Variants in LRRC43 observed in about 807,000 individuals in gnomAD.
LRRC43 encodes the protein leucine-rich repeat-containing protein 43.
In LRRC43, 62 loss-of-function variants were observed where a neutral mutation model predicts 64.3. The observed-to-expected ratio is 0.96, with a 90% confidence interval of 0.79 to 1.19. The LOEUF is 1.19. LRRC43 is among the 50% of genes most tolerant of loss of function. The probability of loss-of-function intolerance (pLI) is 0.00; values close to 1 mark genes in which losing one functional copy is unlikely to be tolerated. For missense variants in LRRC43, 868 were observed against 845.0 expected (o/e 1.03, Z -0.34); for synonymous variants, 422 against 382.3 (o/e 1.10, Z -1.21).
upstream of LRRC43, chr12:122,167,720 T>A (rs1953452534): frequency 1.3e-5 from 2 of 152,194 alleles, no homozygotes; most frequent in South Asian, 4.2e-4. Flanking sequence ...GTAATGGAGA[T>A]ATTCTGTCTG....
rs1221240248 is a variant in LRRC43, at chr12:122,190,148, G to A, written c.681G>A (p.Leu227=). 1 of 1,614,044 alleles carries A rather than the reference G, an allele frequency of 6.2e-7. No individual in the cohort carries two copies. Among genetic ancestry groups the A allele is most frequent in the South Asian group, 1.1e-5 (1 of 91,070 alleles). ...CTTCCAGGCCCAACCTCGTCTCCCT[G>A]GACCTGGGCTTCAACGACCTGACAG... ...TANHWPNLVS[L]DLGFNDLTDL... The change falls in exon 5 of 12, where the codon CTG becomes CTA. Residue 227 remains leucine, a synonymous_variant. Transcript: ENST00000339777.
At chr12:122,189,538 C>T (rs1276058941) in intron 4 of LRRC43, 4 of 455,890 alleles carry the variant, frequency 8.8e-6, no homozygotes, top group Admixed American at 4.7e-5. Context: ...CCTGCCCCTG[C>T]CCTGTGTCTT....
At chr12:122,188,423 AT>A (rs1433088850) in intron 4 of LRRC43, among the ~76,000 whole-genome samples, 5 of 149,686 alleles carry the variant, frequency 3.3e-5, no homozygotes, top group African/African-American at 9.8e-5. Flanking sequence ...TTTTATTTTA[AT>A]TTTTTTATTT....
chr12:122,177,844 A>G (rs2136022100), intron 1 of LRRC43, among the ~76,000 whole-genome samples: 1 of 147,930 alleles, frequency 6.8e-6, no homozygotes, highest in South Asian at 2.1e-4. Flanking sequence ...TTATTTATTT[A>G]TTTATTATTT....
chr12:122,192,258 TC>T (rs1376652906), intron 6 of LRRC43, among the ~76,000 whole-genome samples: 1 of 152,198 alleles, frequency 6.6e-6, no homozygotes, highest in Non-Finnish European at 1.5e-5. Context: ...TGCCTCAGCC[TC>T]CTGAGTAGCT....
upstream of LRRC43, among the ~76,000 whole-genome samples, chr12:122,178,582 CTTTTTTTTTT>C (rs57204293): frequency 2.0e-4 from 12 of 60,732 alleles, 1 homozygote; most frequent in Admixed American, 7.2e-4. Flanking sequence ...AGGTGGCTTT[CTTTTTTTTTT>C]TTTTTTTTTT....
At chr12:122,193,102 G>C (rs1397028941) in intron 7 of LRRC43, 98 bp downstream of exon 7, 16 of 1,322,658 alleles carry the variant, frequency 1.2e-5, no homozygotes, top group African/African-American at 1.5e-5. Flanking sequence ...TGAGGCTGGC[G>C]GGGCGCGGTG....
intron 11 of LRRC43, among the ~76,000 whole-genome samples, chr12:122,202,920 C>G (rs1953859587): frequency 6.6e-6 from 1 of 152,022 alleles, no homozygotes; most frequent in Admixed American, 6.6e-5. Context: ...GGTGAAACCC[C>G]GTCTCTACTA....
chr12:122,183,229 G>C lies in LRRC43; in HGVS notation c.85G>C (p.Ala29Pro). The C allele has an allele frequency of 1.9e-6, 3 of 1,567,324 alleles. No individual in the cohort carries two copies. Among genetic ancestry groups the C allele is most frequent in the Non-Finnish European group, 2.6e-6 (3 of 1,166,230 alleles). Residue 29 changes from alanine to proline, a missense_variant, in exon 1 of 12, where the codon GCG becomes CCG. Coordinates refer to ENST00000339777, the MANE Select transcript of LRRC43 (RefSeq NM_001098519.2). ...TQRPGTGTVS[A>P]AVREHLRKLC... ...GCGGCCCGGGACCGGGACCGTGAGC[G>C]CGGCCGTGCGCGAGCACTTGCGGAA...
chr12:122,168,038 C>T (rs1434147222), intron 1 of LRRC43, among the ~76,000 whole-genome samples: 1 of 149,986 alleles, frequency 6.7e-6, no homozygotes, highest in Non-Finnish European at 1.5e-5. Flanking sequence ...CTGGTCTCAA[C>T]TCCTGACCTC....
In LRRC43 at chr12:122,184,666, A is replaced by T; in HGVS notation, c.298A>T (p.Asn100Tyr). The T allele has an allele frequency of 6.2e-7, 1 of 1,613,998 alleles. No individual in the cohort carries two copies. The highest frequency in any genetic ancestry group is 8.5e-7 in the Non-Finnish European group (1 of 1,179,890). The change falls in exon 2 of 12, where the codon AAC becomes TAC. Residue 100 changes from asparagine (N) to tyrosine (Y), a missense_variant. Transcript: ENST00000339777. This position sits in a 1 kb window ranked among gnomAD's most constrained non-coding sequence, Gnocchi z 4.0. Reference sequence around the variant, plus strand: ...CCACTCCCCCTGGGCTCTGCTGAACAACTCGAATGCAGAAGACAGTTTCCT... The same window carrying T: ...CCACTCCCCCTGGGCTCTGCTGAACTACTCGAATGCAGAAGACAGTTTCCT... The part of the protein sequence containing the change: ...SRHSPWALLN[N>Y]SNAEDSFLRE...
At chr12:122,187,538 T>G in intron 3 of LRRC43, 163 bp from the exon 4 acceptor site, 1 of 575,968 alleles carries the variant, frequency 1.7e-6, no homozygotes, top group Non-Finnish European at 3.0e-6. Context: ...GCAGGAATCT[T>G]TTCTTCCTGG....
rs1016253292 is a variant in LRRC43 at position 122,193,006 on chromosome 12, T to C, written c.1349+2T>C. 6.2e-7 allele frequency: 1 copy of C among 1,612,424 alleles called. No homozygotes were observed. The highest frequency in any genetic ancestry group is 8.5e-7 in the Non-Finnish European group (1 of 1,179,496). The stretch of plus-strand genomic sequence containing the variant: ...TCCCCGGCTCTGCCCGTCCCCAGGG[T>C]AAGGATGGAAATCTGAACCAGGGCA... On this transcript the variant is annotated splice_donor_variant, in intron 7 of 11. Transcript: ENST00000339777. LOFTEE classifies it high-confidence loss of function.
chr12:122,187,923 T>C, intron 4 of LRRC43, 83 bp downstream of exon 4: 1 of 1,421,596 alleles, frequency 7.0e-7, no homozygotes, highest in Non-Finnish European at 9.7e-7. Flanking sequence ...GCTTGAGAAC[T>C]CAGCTTTGGT....
intron 4 of LRRC43, among the ~76,000 whole-genome samples, chr12:122,188,232 G>T (rs1440728742): frequency 6.6e-6 from 1 of 150,774 alleles, no homozygotes; most frequent in Non-Finnish European, 1.5e-5. Flanking sequence ...TCAGCCTCCC[G>T]AGTAGCTGGG....
intron 1 of LRRC43, chr12:122,172,703 G>A (rs1953497730): frequency 6.2e-7 from 1 of 1,613,912 alleles, no homozygotes; most frequent in Non-Finnish European, 8.5e-7. Flanking sequence ...ACGGCAGCGT[G>A]TAATTCTGGG....
At chr12:122,177,412 T>A (rs760221141) in intron 1 of LRRC43, among the ~76,000 whole-genome samples, 3 of 151,836 alleles carry the variant, frequency 2.0e-5, no homozygotes, top group Non-Finnish European at 4.4e-5. Flanking sequence ...GCTCAGTGAG[T>A]TCCTGAGCAA....
At chr12:122,186,367 CCCCA>C (rs1424897665) in intron 3 of LRRC43, 67 bp downstream of exon 3, 27 of 1,016,698 alleles carry the variant, frequency 2.7e-5, no homozygotes, top group Non-Finnish European at 4.1e-5. Context: ...CCTTACCCTG[CCCCA>C]CATAGTGTGG....
chr12:122,189,777 G>A (rs185639658), intron 4 of LRRC43, among the ~76,000 whole-genome samples: 85 of 152,290 alleles, frequency 5.6e-4, no homozygotes, highest in Middle Eastern at 3.4e-3. Context: ...CTGCTGTGCC[G>A]TCCAGTCTGC....
Sources: gnomAD v4.1 joint callset for allele counts (sites outside exome capture counted in the v4.1 genomes callset) on GRCh38, gnomAD v4.1.1 for gene constraint, Gnocchi (gnomAD v3.1) non-coding constraint, MANE v1.5 for transcripts, NCBI Gene and HGNC (gene_info 2026-07-23, HGNC 2026-07-21) for gene names.